Variants in EDIL3 observed in about 807,000 individuals in gnomAD.
EDIL3 encodes the protein EGF like and discoidin domains 3.
A neutral mutation model predicts 67.4 loss-of-function variants in EDIL3; 37 were observed. The observed-to-expected ratio is 0.55, with a 90% CI of 0.42 to 0.72. The LOEUF (loss-of-function observed/expected upper bound fraction) is 0.72, where lower values mean the gene tolerates loss of function less well. Ranked by LOEUF, EDIL3 falls within the 30% of genes least tolerant of loss-of-function variation. The pLI, the probability that EDIL3 is intolerant of heterozygous loss-of-function variation, is 0.00. For missense variants in EDIL3, 527 were observed against 586.3 expected, an observed-to-expected ratio of 0.90 and a Z score of 1.04; for synonymous variants, 195 against 196.3, an observed-to-expected ratio of 0.99 and a Z score of 0.05.
chr5:83,991,226 C>T (rs969065158), intron 9 of EDIL3, among the ~76,000 whole-genome samples: 1 of 152,180 alleles, frequency 6.6e-6, no homozygotes, highest in African/African-American at 2.4e-5. Context: ...CCCGTTCCCA[C>T]ATCTTTTCCT....
chr5:84,219,403 T>C (rs1445544812), intron 3 of EDIL3, among the ~76,000 whole-genome samples: 3 of 152,174 alleles, frequency 2.0e-5, no homozygotes, highest in Admixed American at 1.3e-4. Flanking sequence ...GCTCATAGCA[T>C]TGATCATCAG....
At chr5:84,251,268 G>A (rs1223004798) in intron 2 of EDIL3, among the ~76,000 whole-genome samples, 1 of 151,928 alleles carries the variant, frequency 6.6e-6, no homozygotes, top group East Asian at 1.9e-4. Flanking sequence ...ACCTGTTATT[G>A]TGCCCGGTTA....
chr5:84,240,846 G>A (rs1427912773), intron 2 of EDIL3, among the ~76,000 whole-genome samples: 1 of 151,722 alleles, frequency 6.6e-6, no homozygotes, highest in Non-Finnish European at 1.5e-5. Flanking sequence ...CTTCTAGAAA[G>A]TTTCCCCATG....
intron 9 of EDIL3, among the ~76,000 whole-genome samples, chr5:84,021,006 T>C (rs1296093595): frequency 6.6e-6 from 1 of 152,026 alleles, no homozygotes; most frequent in East Asian, 1.9e-4. Context: ...TTAAAAAGAA[T>C]TCAAAGTCAG....
chr5:84,094,980 C>T (rs375501552), intron 6 of EDIL3, among the ~76,000 whole-genome samples: 59 of 152,176 alleles, frequency 3.9e-4, no homozygotes, highest in African/African-American at 1.3e-3. Context: ...ACTTATTTCC[C>T]ATTATCTTTC....
At chr5:84,252,495 A>AAAAAAAAAAAAAAAAAAAAAAAAAAC in intron 2 of EDIL3, among the ~76,000 whole-genome samples, 1 of 138,230 alleles carries the variant, frequency 7.2e-6, no homozygotes. Flanking sequence ...CTCCGTCTCA[A>AAAAAAAAAAAAAAAAAAAAAAAAAAC]AAAAAAAAAA....
chr5:84,062,709 A>G (rs1334587970), intron 8 of EDIL3, among the ~76,000 whole-genome samples: 1 of 152,138 alleles, frequency 6.6e-6, no homozygotes, highest in Admixed American at 6.5e-5. Context: ...GAAAGATTTT[A>G]ATAGCAATTT....
chr5:84,140,360 A>C (rs1748167712), intron 4 of EDIL3, among the ~76,000 whole-genome samples: 1 of 152,198 alleles, frequency 6.6e-6, no homozygotes, highest in Non-Finnish European at 1.5e-5. Flanking sequence ...AATAATTATT[A>C]TACATACTAT....
intron 1 of EDIL3, among the ~76,000 whole-genome samples, chr5:84,333,319 T>C (rs1259492540): frequency 6.6e-6 from 1 of 152,142 alleles, no homozygotes; most frequent in East Asian, 1.9e-4. Context: ...AATTAAATAA[T>C]ACAAATAAGA....
intron 10 of EDIL3, among the ~76,000 whole-genome samples, chr5:83,955,101 C>A (rs1561384375): frequency 6.6e-6 from 1 of 151,648 alleles, no homozygotes; most frequent in Non-Finnish European, 1.5e-5. Flanking sequence ...TAAATAAAAG[C>A]ATGAGTAACT....
At chr5:84,197,724 T>G (rs150376419) in intron 3 of EDIL3, among the ~76,000 whole-genome samples, 118 of 150,778 alleles carry the variant, frequency 7.8e-4, no homozygotes, top group African/African-American at 2.1e-3. Flanking sequence ...CTGAAAGAAA[T>G]GCAATATAAT....
chr5:84,273,826 T>C (rs1745521542), intron 1 of EDIL3, among the ~76,000 whole-genome samples: 1 of 152,218 alleles, frequency 6.6e-6, no homozygotes, highest in African/African-American at 2.4e-5. Context: ...TACATATCTA[T>C]CTCCTTGTAT....
chr5:84,177,122 A>C (rs1471924776), intron 4 of EDIL3, among the ~76,000 whole-genome samples: 1 of 152,182 alleles, frequency 6.6e-6, no homozygotes, highest in African/African-American at 2.4e-5. Flanking sequence ...TTATGTCCAC[A>C]CAAAAACCTG....
intron 1 of EDIL3, among the ~76,000 whole-genome samples, chr5:84,329,578 T>C (rs575936736): frequency 3.3e-5 from 5 of 152,234 alleles, no homozygotes; most frequent in Non-Finnish European, 7.4e-5. Flanking sequence ...ATACCACCTG[T>C]TGTGTATACT....
intron 1 of EDIL3, among the ~76,000 whole-genome samples, chr5:84,381,489 T>G (rs1167788051): frequency 6.6e-6 from 1 of 152,174 alleles, no homozygotes; most frequent in South Asian, 2.1e-4. Context: ...AAACTCCTTA[T>G]TTCTGTATAA....
Position 83,963,434 on chromosome 5 carries a change from A to T in EDIL3, c.1138-74T>A, listed in dbSNP as rs770967962. On this transcript the variant is annotated intron_variant, in intron 9 of 10. Transcript: ENST00000296591. ...AACTTCCAAGTCTTTTGATGTCAAG[A>T]GAATAAAACTATATATATCCTAAAA... 214 of 1,456,342 alleles carry T rather than the reference A, an allele frequency of 1.5e-4. 1 individual carries two copies. Among genetic ancestry groups the T allele is most frequent in the Non-Finnish European group, 1.9e-4 (205 of 1,095,774 alleles). 90.2% of individuals were successfully genotyped at this position (1,456,342 alleles called of 1,614,324 possible).
intron 1 of EDIL3, among the ~76,000 whole-genome samples, chr5:84,364,857 A>T (rs1183869956): frequency 1.3e-5 from 2 of 151,936 alleles, no homozygotes; most frequent in East Asian, 3.9e-4. Flanking sequence ...TTTAATACCT[A>T]TTTTTTAATT....
At chr5:84,376,511 C>A (rs1747972093) in intron 1 of EDIL3, among the ~76,000 whole-genome samples, 1 of 152,096 alleles carries the variant, frequency 6.6e-6, no homozygotes, top group African/African-American at 2.4e-5. Context: ...TTATATCCTG[C>A]CTGCACTTGA....
rs1034677545 is a variant in EDIL3 at position 84,242,084 on chromosome 5, T to C, written c.196+12000A>G. Among the ~76,000 whole-genome samples the C allele has an allele frequency of 8.3e-4, 117 of 140,942 alleles. 1 individual carries two copies. Among genetic ancestry groups the C allele is most frequent in the African/African-American group, 3.2e-3 (111 of 34,952 alleles). The allele number at this position is 140,942 out of a possible 152,430, so 92.5% of individuals were successfully genotyped here. ...AAGTACAAAAAAAAAAAAAAAAAAT[T>C]AGCCAGGCGTGGTGGTGGGCGCCTG... On this transcript the variant is annotated intron_variant, in intron 2 of 10. Coordinates refer to ENST00000296591, the MANE Select transcript of EDIL3 (RefSeq NM_005711.5).
Sources: gnomAD v4.1 joint callset for allele counts (sites outside exome capture counted in the v4.1 genomes callset) on GRCh38, gnomAD v4.1.1 for gene constraint, MANE v1.5 for transcripts, NCBI Gene and HGNC (gene_info 2026-07-23, HGNC 2026-07-21) for gene names.